The following INTS10 variants were observed in gnomAD, a reference collection of about 807,000 sequenced individuals.
INTS10 encodes chromosome 8 open reading frame 35.
Under a neutral mutation model 94.4 loss-of-function variants are expected in INTS10, and 44 were observed. The observed-to-expected ratio is 0.47, with a 90% CI of 0.37 to 0.60. The LOEUF (loss-of-function observed/expected upper bound fraction) is 0.60, where lower values mean the gene tolerates loss of function less well. Ranked by LOEUF, INTS10 falls within the 20% of genes least tolerant of loss-of-function variation. The pLI is 0.00. For missense variants in INTS10, 797 were observed against 868.7 expected (o/e 0.92, Z 1.04); for synonymous variants, 341 against 320.7 (o/e 1.06, Z -0.68).
At chr8:19,830,937 G>A (rs1563385832) in intron 10 of INTS10, among the ~76,000 whole-genome samples, 2 of 152,216 alleles carry the variant, frequency 1.3e-5, no homozygotes, top group Non-Finnish European at 2.9e-5. Flanking sequence ...CTCCCAAAGT[G>A]CTGGGATTAC....
chr8:19,837,054 G>A lies in INTS10; in HGVS notation c.1533G>A (p.Met511Ile). 6.2e-7 allele frequency: 1 copy of A among 1,603,990 alleles called. No homozygotes were observed. The highest frequency in any genetic ancestry group is 2.2e-5 in the East Asian group (1 of 44,830). ...TCHFALGEYR[M>I]TCEKVLDLMC... ...CTTTTTGGTCTTTTCTGCTTTAGATGACATGTGAAAAAGTCCTTGATTTGA... is the reference window on the plus strand; with the variant it reads ...CTTTTTGGTCTTTTCTGCTTTAGATAACATGTGAAAAAGTCCTTGATTTGA... The change falls in exon 13 of 17, where the codon ATG becomes ATA. Residue 511 changes from methionine to isoleucine, a missense_variant and splice_region_variant. This residue lies in a region of INTS10 where 734 missense variants were observed against 787.8 expected (regional missense o/e 0.93). Coordinates refer to ENST00000397977, the MANE Select transcript of INTS10 (RefSeq NM_018142.4).
chr8:19,823,991 G>A lies in INTS10; in HGVS notation c.783G>A (p.Lys261=), dbSNP rs757627156. ...TGGACCCTTGGGAGAGGTTGTTTAAGATTTTGAATGTTGTTGGAATGAGAT... is the reference window on the plus strand; with the variant it reads ...TGGACCCTTGGGAGAGGTTGTTTAAAATTTTGAATGTTGTTGGAATGAGAT... ...QIVDPWERLF[K]ILNVVGMRCE... is the part of the protein sequence containing the mutation. The change falls in exon 7 of 17, where the codon AAG becomes AAA. Residue 261 remains lysine (K), a synonymous_variant. Coordinates refer to ENST00000397977, the MANE Select transcript of INTS10 (RefSeq NM_018142.4). The A allele has an allele frequency of 2.5e-6, 4 of 1,613,622 alleles. No individual in the cohort carries two copies. The highest frequency in any genetic ancestry group is 1.3e-5 in the African/African-American group (1 of 75,018).
chr8:19,851,921 C>CCAT lies in INTS10; in HGVS notation c.*118_*120dup. ...ATTGTTGCTGTTACAAAGAAGAAAA[C>CCAT]CATCTGAGTTCTAACTCCTTGGTTG... is the stretch of plus-strand genomic sequence containing the variant. On this transcript the variant is annotated 3_prime_UTR_variant, in exon 17 of 17. Coordinates refer to ENST00000397977, the MANE Select transcript of INTS10 (RefSeq NM_018142.4). The surrounding 1 kb of genome is among the most constrained non-coding windows in gnomAD (Gnocchi z 5.0). 1.2e-6 allele frequency: 1 copy of CCAT among 857,134 alleles called. No homozygotes were observed. Among genetic ancestry groups the CCAT allele is most frequent in the Non-Finnish European group, 1.8e-6 (1 of 558,824 alleles). 53.1% of individuals were successfully genotyped at this position (857,134 alleles called of 1,614,324 possible). A position where few individuals can be genotyped will look rare whatever the true frequency, so the allele number is the denominator to read the frequency against.
Position 19,842,945 on chromosome 8 carries a change from T to C in INTS10, c.1719+18T>C. On this transcript the variant is annotated intron_variant, in intron 14 of 16. Transcript: ENST00000397977. The stretch of plus-strand genomic sequence containing the variant: ...GTTTTAAGGTAAGCTTAAAGTTGAT[T>C]AGCTTGAAAAAAAATGTAATTTCAA... 6.7e-7 allele frequency: 1 copy of C among 1,483,492 alleles called. No homozygotes were observed. Among genetic ancestry groups the C allele is most frequent in the Non-Finnish European group, 9.4e-7 (1 of 1,062,472 alleles). 91.9% of individuals were successfully genotyped at this position (1,483,492 alleles called of 1,614,324 possible).
intron 2 of INTS10, chr8:19,818,581 C>T (rs1392718920): frequency 7.5e-6 from 4 of 531,496 alleles, no homozygotes; most frequent in South Asian, 2.2e-5. Flanking sequence ...ATAATTTATT[C>T]TAGAAATAAT....
At position 19,826,437 on chromosome 8, in the gene INTS10, C is replaced by T; in HGVS notation, c.1018C>T (p.Pro340Ser). 1 of 1,611,440 alleles carries T rather than the reference C, an allele frequency of 6.2e-7. No individual in the cohort carries two copies. The highest frequency in any genetic ancestry group is 8.5e-7 in the Non-Finnish European group (1 of 1,179,216). ...TTCCCCGTCCTTAGGTCCTAATGCC[C>T]CGAGCCAAGTTCCACTGGTTCTTCT... Reference protein sequence around the residue: ...QPSLFQGPNAPSQVPLVLLED... With the variant: ...QPSLFQGPNASSQVPLVLLED... Residue 340 changes from proline (P) to serine (S), a missense_variant, in exon 9 of 17, where the codon CCG (proline) becomes TCG (serine). Pro to Ser is a moderately conservative substitution (Grantham distance 74, BLOSUM62 -1). Around this residue, in one of 3 missense-constraint regions of INTS10, gnomAD observed 734 missense variants for 787.8 expected, o/e 0.93. Coordinates refer to ENST00000397977, the MANE Select transcript of INTS10 (RefSeq NM_018142.4).
Position 19,849,248 on chromosome 8 carries a change from T to A in INTS10, c.1977-2401T>A. ...ATACAGACTGCTGACAGGTACCAAG[T>A]GGAATCAACGCCCGCTCATAGTGTG... On this transcript the variant is annotated intron_variant, in intron 16 of 16. Coordinates refer to ENST00000397977, the MANE Select transcript of INTS10 (RefSeq NM_018142.4). This position sits in a 1 kb window ranked among gnomAD's most constrained non-coding sequence, Gnocchi z 4.6. 1.6e-6 allele frequency: 2 copies of A among 1,282,652 alleles called. No individual in the cohort carries two copies. The highest frequency in any genetic ancestry group is 2.0e-6 in the Non-Finnish European group (2 of 982,508). The allele number at this position is 1,282,652 out of a possible 1,614,324, so 79.5% of individuals were successfully genotyped here.
chr8:19,833,031 T>C, intron 11 of INTS10, 138 bp from the exon 12 acceptor site: 1 of 595,758 alleles, frequency 1.7e-6, no homozygotes, highest in South Asian at 4.2e-5. Flanking sequence ...TCTCCGTTTC[T>C]TCCTCAGATG....
intron 11 of INTS10, among the ~76,000 whole-genome samples, 183 bp downstream of exon 11, chr8:19,832,293 C>CG (rs2067292601): frequency 1.3e-5 from 2 of 152,268 alleles, no homozygotes; most frequent in African/African-American, 4.8e-5. Context: ...AACTATCGGC[C>CG]GGGTGTCGTG....
intron 5 of INTS10, among the ~76,000 whole-genome samples, chr8:19,823,046 G>A (rs927132020): frequency 4.6e-5 from 7 of 152,036 alleles, no homozygotes; most frequent in African/African-American, 1.4e-4. Context: ...TAAGTATGAA[G>A]CATAGTAATA....
chr8:19,823,613 A>T (rs541600374), intron 6 of INTS10, among the ~76,000 whole-genome samples, 172 bp downstream of exon 6: 2 of 152,194 alleles, frequency 1.3e-5, no homozygotes, highest in East Asian at 1.9e-4. Flanking sequence ...TCTGGAAGCA[A>T]TGCCACCCCT....
chr8:19,845,673 T>C lies in INTS10; in HGVS notation c.1883-31T>C, dbSNP rs562669397. ...ATCAGAGAAAACTAGCACCTTTTTT[T>C]ACATGTGGTTAACCTGAATCTGGCC... On this transcript the variant is annotated intron_variant, in intron 15 of 16. Transcript: ENST00000397977. 8.2e-5 allele frequency: 126 copies of C among 1,528,392 alleles called. 1 individual carries two copies. The South Asian group carries it at 1.2e-3, about 15-fold the overall frequency. 94.7% of individuals were successfully genotyped at this position (1,528,392 alleles called of 1,614,324 possible).
chr8:19,827,820 CT>C (rs2066920924), intron 9 of INTS10, among the ~76,000 whole-genome samples: 1 of 152,184 alleles, frequency 6.6e-6, no homozygotes, highest in African/African-American at 2.4e-5. Flanking sequence ...CTGCCCCAAC[CT>C]GATGCAGGTC....
At chr8:19,835,330 G>A (rs766015813) in intron 12 of INTS10, among the ~76,000 whole-genome samples, 2 of 152,040 alleles carry the variant, frequency 1.3e-5, no homozygotes, top group African/African-American at 4.8e-5. Context: ...TGGTTTTCTT[G>A]GTGCTCAGTG....
At chr8:19,826,200 C>T (rs2066776366) in intron 8 of INTS10, among the ~76,000 whole-genome samples, 1 of 152,194 alleles carries the variant, frequency 6.6e-6, no homozygotes, top group African/African-American at 2.4e-5. Flanking sequence ...CTGCCTCAGC[C>T]TCCCGAGTAG....
chr8:19,842,552 G>T (rs1297526839), intron 13 of INTS10, among the ~76,000 whole-genome samples: 3 of 152,170 alleles, frequency 2.0e-5, no homozygotes, highest in African/African-American at 7.2e-5. Context: ...GCTGAGTGGT[G>T]AGCACACCAG....
chr8:19,846,449 C>A lies in INTS10; in HGVS notation c.1976+652C>A, dbSNP rs915626283. Among the ~76,000 whole-genome samples, 275 of 150,676 alleles carry A rather than the reference C, an allele frequency of 1.8e-3. 1 individual carries two copies. Among genetic ancestry groups the A allele is most frequent in the African/African-American group, 6.5e-3 (263 of 40,748 alleles). Reference sequence around the variant, plus strand: ...ACTCCATCTCAAAAAAAAAAACAAACAAACAAAACAGCTGTGCTTAATTAA... The same window carrying A: ...ACTCCATCTCAAAAAAAAAAACAAAAAAACAAAACAGCTGTGCTTAATTAA... On this transcript the variant is annotated intron_variant, in intron 16 of 16. Coordinates refer to ENST00000397977, the MANE Select transcript of INTS10 (RefSeq NM_018142.4). The surrounding 1 kb of genome is among the most constrained non-coding windows in gnomAD (Gnocchi z 4.2).
chr8:19,831,221 T>C (rs1401684307), intron 10 of INTS10, among the ~76,000 whole-genome samples: 1 of 152,222 alleles, frequency 6.6e-6, no homozygotes, highest in East Asian at 1.9e-4. Context: ...ATGTGCTGTG[T>C]CATCTTTTCT....
chr8:19,818,169 ACTCT>A, intron 1 of INTS10, 102 bp from the exon 2 acceptor site: 3 of 1,074,698 alleles, frequency 2.8e-6, no homozygotes, highest in Non-Finnish European at 4.3e-6. Flanking sequence ...GCGGAGCTTC[ACTCT>A]CAGGCCCTCC....
Sources: gnomAD v4.1 joint callset for allele counts (sites outside exome capture counted in the v4.1 genomes callset) on GRCh38, gnomAD v4.1.1 for gene constraint, gnomAD v4.1.1 regional missense constraint, Gnocchi (gnomAD v3.1) non-coding constraint, MANE v1.5 for transcripts, NCBI Gene and HGNC (gene_info 2026-07-23, HGNC 2026-07-21) for gene names.